Variants in GABRB3 observed in about 807,000 individuals in gnomAD.
GABRB3 encodes the protein gamma-aminobutyric acid type A receptor subunit beta3.
A neutral mutation model predicts 52.1 loss-of-function variants in GABRB3; 14 were observed. The observed-to-expected ratio is 0.27, with a 90% confidence interval of 0.18 to 0.42. GABRB3 has a LOEUF of 0.42. Ranked by LOEUF, GABRB3 falls within the 10% of genes least tolerant of loss-of-function variation. The pLI is 1.00. For missense variants in GABRB3, 307 were observed against 609.1 expected, an observed-to-expected ratio of 0.50 and a Z score of 5.22; for synonymous variants, 260 against 232.3, an observed-to-expected ratio of 1.12 and a Z score of -1.08.
intron 3 of GABRB3, among the ~76,000 whole-genome samples, chr15:26,767,831 G>A (rs955555414): frequency 1.3e-5 from 2 of 152,156 alleles, no homozygotes; most frequent in African/African-American, 4.8e-5. Context: ...ACTCTAGCCT[G>A]AATCTGCCTC....
rs71420007 is a variant in GABRB3 at position 26,554,176 on chromosome 15, G to GAGTATATATATA, written c.1081-6043_1081-6042insTATATATATACT. ...TATATATAAAGTATATATATATAAA[G>GAGTATATATATA]TATATATATATATACTATATATATA... On this transcript the variant is annotated intron_variant, in intron 8 of 8. Transcript: ENST00000311550. Among the ~76,000 whole-genome samples the GAGTATATATATA allele has an allele frequency of 2.0e-3, 56 of 27,326 alleles. 3 individuals carry two copies. Among genetic ancestry groups the GAGTATATATATA allele is most frequent in the African/African-American group, 5.1e-3 (45 of 8,794 alleles). The allele number at this position is 27,326 out of a possible 152,430, so 17.9% of individuals were successfully genotyped here. A position where few individuals can be genotyped will look rare whatever the true frequency, so the allele number is the denominator to read the frequency against.
chr15:26,757,072 C>A (rs1224540018), intron 3 of GABRB3, among the ~76,000 whole-genome samples: 1 of 152,212 alleles, frequency 6.6e-6, no homozygotes, highest in East Asian at 1.9e-4. Context: ...ACAGTAGCAA[C>A]TGGTATATAT....
intron 3 of GABRB3, among the ~76,000 whole-genome samples, chr15:26,654,308 G>A (rs56098316): frequency 0.25 from 37,664 of 152,020 alleles, 5,919 homozygotes; most frequent in East Asian, 0.83. Context: ...ACCATGCCTG[G>A]CTAATTTTTT....
rs139807059 is a variant in GABRB3, at chr15:26,741,644, C to T, written c.240+30758G>A. ...GTTTTTTGGAGATAGGGTCTCACTC[C>T]GTCCCCCAGGCTGGAGTGCCCTGGC... On this transcript the variant is annotated intron_variant, in intron 3 of 8. Coordinates refer to ENST00000311550, the MANE Select transcript of GABRB3 (RefSeq NM_000814.6). Among the ~76,000 whole-genome samples, 35 of 152,194 alleles carry T rather than the reference C, an allele frequency of 2.3e-4. No homozygotes were observed. The East Asian group carries it at 4.7e-3, about 20-fold the overall frequency.
chr15:26,713,514 A>G (rs566860017), intron 3 of GABRB3, among the ~76,000 whole-genome samples: 1 of 152,038 alleles, frequency 6.6e-6, no homozygotes, highest in Non-Finnish European at 1.5e-5. Flanking sequence ...AGAGAGGAAG[A>G]GGCTACCGGG....
At chr15:26,717,670 A>G (rs192967752) in intron 3 of GABRB3, among the ~76,000 whole-genome samples, 24 of 152,122 alleles carry the variant, frequency 1.6e-4, no homozygotes, top group Non-Finnish European at 3.1e-4. Context: ...TCCCTCACCC[A>G]TCACACGTAA....
At chr15:26,688,854 T>C (rs898007535) in intron 3 of GABRB3, among the ~76,000 whole-genome samples, 4 of 152,142 alleles carry the variant, frequency 2.6e-5, no homozygotes, top group African/African-American at 9.7e-5. Flanking sequence ...GTCTTAGGAG[T>C]GGCTAAGCTG....
chr15:26,766,469 A>G (rs1229340277), intron 3 of GABRB3, among the ~76,000 whole-genome samples: 3 of 152,194 alleles, frequency 2.0e-5, no homozygotes, highest in Admixed American at 1.3e-4. Context: ...TTGTTCCTGC[A>G]TGCATTTCAT....
rs748306024 is a variant in GABRB3 at position 26,772,754 on chromosome 15, G to T, written c.99C>A (p.Asn33Lys). The T allele has an allele frequency of 6.4e-7, 1 of 1,570,208 alleles. No individual in the cohort carries two copies. The highest frequency in any genetic ancestry group is 1.1e-5 in the South Asian group (1 of 87,148). Residue 33 changes from asparagine to lysine, a missense_variant, in exon 2 of 9, where the codon AAC becomes AAA. Physicochemically the swap from Asn to Lys is moderately conservative, Grantham distance 94. Transcript: ENST00000311550. ...CCACCGTCTCCTTCACAAAGGACAT[G>T]TTCCCGGGATCGTTCACACTGGGGG... is the stretch of plus-strand genomic sequence containing the variant. Reference protein sequence around the residue: ...CCAQSVNDPGNMSFVKETVDK... With the variant: ...CCAQSVNDPGKMSFVKETVDK...
In GABRB3 at chr15:26,554,189, T is replaced by TATATATATATATATATATATAC. The variant is rs1346521870; in HGVS notation, c.1081-6056_1081-6055insGTATATATATATATATATATAT. On this transcript the variant is annotated intron_variant, in intron 8 of 8. Transcript: ENST00000311550. ...TATATATATAAAGTATATATATATA[T>TATATATATATATATATATATAC]ACTATATATATATATATATAGTAGA... Among the ~76,000 whole-genome samples the TATATATATATATATATATATAC allele has an allele frequency of 6.2e-4, 17 of 27,360 alleles. 3 individuals carry two copies. In the South Asian group the frequency reaches 0.012, roughly 20 times the overall value. 17.9% of individuals were successfully genotyped at this position (27,360 alleles called of 152,430 possible). A position where few individuals can be genotyped will look rare whatever the true frequency, so the allele number is the denominator to read the frequency against.
intron 3 of GABRB3, among the ~76,000 whole-genome samples, chr15:26,752,407 G>A (rs1458840598): frequency 6.6e-6 from 1 of 151,844 alleles, no homozygotes; most frequent in Non-Finnish European, 1.5e-5. Flanking sequence ...GGGACTACAG[G>A]TGCTCACCAC....
intron 3 of GABRB3, among the ~76,000 whole-genome samples, chr15:26,738,609 A>C (rs758769723): frequency 7.5e-4 from 114 of 152,238 alleles, no homozygotes; most frequent in Admixed American, 2.5e-3. Context: ...ACTGACTCTC[A>C]CGGCGCCCTT....
In GABRB3 at chr15:26,545,949, T is replaced by G. The variant is rs1022346534; in HGVS notation, c.*1844A>C. On this transcript the variant is annotated 3_prime_UTR_variant, in exon 9 of 9. Transcript: ENST00000311550. Reference sequence around the variant, plus strand: ...ATGGTGGGTTTTGAACTGTTGCAGATGCCCACAAATTAAAGGTTGTTACGG... The same window carrying G: ...ATGGTGGGTTTTGAACTGTTGCAGAGGCCCACAAATTAAAGGTTGTTACGG... 6.6e-6 allele frequency: 1 copy of G among 152,628 alleles called. No homozygotes were observed. Among genetic ancestry groups the G allele is most frequent in the East Asian group, 1.9e-4 (1 of 5,170 alleles). 9.5% of individuals were successfully genotyped at this position (152,628 alleles called of 1,614,324 possible).
chr15:26,741,220 T>C (rs1890199722), intron 3 of GABRB3, among the ~76,000 whole-genome samples: 1 of 152,208 alleles, frequency 6.6e-6, no homozygotes, highest in Non-Finnish European at 1.5e-5. Flanking sequence ...AGAAGCCTTA[T>C]ATGAATTGAG....
intron 3 of GABRB3, chr15:26,750,014 C>A (rs921344586): frequency 6.6e-6 from 1 of 152,166 alleles, no homozygotes; most frequent in African/African-American, 2.4e-5. Context: ...TGGCACTATT[C>A]CATCTTGGCC....
intron 3 of GABRB3, among the ~76,000 whole-genome samples, chr15:26,714,506 G>C (rs969341149): frequency 6.6e-5 from 10 of 152,154 alleles, no homozygotes; most frequent in African/African-American, 2.4e-4. Context: ...TGGAAAGGCC[G>C]AACAACTCAA....
intron 4 of GABRB3, among the ~76,000 whole-genome samples, chr15:26,595,644 C>T (rs1891370686): frequency 6.6e-6 from 1 of 152,178 alleles, no homozygotes; most frequent in African/African-American, 2.4e-5. Context: ...ATGTTACCAT[C>T]CAAGTGGAGC....
chr15:26,737,437 C>CT (rs1482062354), intron 3 of GABRB3, among the ~76,000 whole-genome samples: 1 of 152,148 alleles, frequency 6.6e-6, no homozygotes, highest in East Asian at 1.9e-4. Flanking sequence ...GAGACTCTTC[C>CT]TGTCAGTCCT....
chr15:26,645,269 T>A (rs1893317742), intron 3 of GABRB3, among the ~76,000 whole-genome samples: 1 of 152,218 alleles, frequency 6.6e-6, no homozygotes, highest in South Asian at 2.1e-4. Context: ...AAGCCACTTG[T>A]TCCTGCTCTG....
Sources: gnomAD v4.1 joint callset for allele counts (sites outside exome capture counted in the v4.1 genomes callset) on GRCh38, gnomAD v4.1.1 for gene constraint, MANE v1.5 for transcripts, NCBI Gene and HGNC (gene_info 2026-07-23, HGNC 2026-07-21) for gene names.